DST: variants seen among roughly 807,000 people sequenced by gnomAD.
DST encodes the protein bullous pemphigoid antigen.
A neutral mutation model predicts 875.2 loss-of-function variants in DST; 253 were observed. That is an observed-to-expected ratio of 0.29 (90% CI 0.26 to 0.32). The LOEUF is 0.32. DST is among the 10% of genes least tolerant of loss of function. DST has a pLI of 1.00. For missense variants in DST, 8,287 were observed against 9,111.6 expected (o/e 0.91, Z 3.68); for synonymous variants, 3,124 against 3,197.1 (o/e 0.98, Z 0.77).
intron 58 of DST, 81 bp downstream of exon 58, chr6:56,560,213 G>A: frequency 7.6e-7 from 1 of 1,313,278 alleles, no homozygotes; most frequent in Non-Finnish European, 1.0e-6. Flanking sequence ...ACTGTTGAAT[G>A]TTTTCTGATA....
intron 4 of DST, among the ~76,000 whole-genome samples, chr6:56,846,178 T>G (rs2099806969): frequency 6.6e-6 from 1 of 152,234 alleles, no homozygotes; most frequent in Non-Finnish European, 1.5e-5. Context: ...TGGCCATGGG[T>G]AAGCTATCAT....
At chr6:56,662,965 GAACAAAACAAAACAAAGA>G (rs1277025224) in intron 10 of DST, among the ~76,000 whole-genome samples, 2 of 151,722 alleles carry the variant, frequency 1.3e-5, no homozygotes, top group African/African-American at 2.4e-5. Context: ...AAACAAAACA[GAACAAAACAAAACAAAGA>G]AACAAAACAA....
chr6:56,888,895 G>A (rs1362443806), intron 3 of DST, among the ~76,000 whole-genome samples: 4 of 152,178 alleles, frequency 2.6e-5, no homozygotes, highest in African/African-American at 9.7e-5. Flanking sequence ...GTTGGGGAGA[G>A]TTCAGGGAAG....
intron 95 of DST, 118 bp downstream of exon 95, chr6:56,470,988 T>C: frequency 8.8e-7 from 1 of 1,137,408 alleles, no homozygotes; most frequent in South Asian, 1.5e-5. Flanking sequence ...CGTGACTTCC[T>C]AGGCAACTTA....
intron 48 of DST, among the ~76,000 whole-genome samples, chr6:56,592,780 A>C (rs2098302288): frequency 6.6e-6 from 1 of 152,208 alleles, no homozygotes; most frequent in Non-Finnish European, 1.5e-5. Context: ...CTATATTAGA[A>C]TGGAGCAAAG....
At chr6:56,825,448 T>C (rs556615930) in intron 4 of DST, among the ~76,000 whole-genome samples, 1 of 142,532 alleles carries the variant, frequency 7.0e-6, no homozygotes, top group Non-Finnish European at 1.5e-5. Context: ...TATTGTCCTA[T>C]GACCCTGCCA....
rs571711042 is a variant in DST, at chr6:56,833,170, A to G, written c.625+18227T>C. On this transcript the variant is annotated intron_variant, in intron 4 of 103. Transcript: ENST00000680361. ...CAGTCAATAGTGTTCCAGAATTCTAAACATTTAGGAACTACGACTCTTCTA... is the reference window on the plus strand; with the variant it reads ...CAGTCAATAGTGTTCCAGAATTCTAGACATTTAGGAACTACGACTCTTCTA... 8.5e-5 allele frequency among the ~76,000 whole-genome samples: 13 copies of G among 152,374 alleles called. No individual in the cohort carries two copies. In the East Asian group the frequency reaches 2.5e-3, roughly 29 times the overall value.
intron 48 of DST, 141 bp downstream of exon 48, chr6:56,593,516 CAAAAAA>C: frequency 9.6e-6 from 3 of 313,142 alleles, no homozygotes; most frequent in Non-Finnish European, 1.5e-5. Context: ...GACTCCTTCT[CAAAAAA>C]AAAAAAAAAA....
At chr6:56,487,716 C>T (rs1024194207) in intron 86 of DST, among the ~76,000 whole-genome samples, 1 of 152,124 alleles carries the variant, frequency 6.6e-6, no homozygotes, top group Non-Finnish European at 1.5e-5. Context: ...TTGTAGGCCT[C>T]TCATTATCAT....
intron 3 of DST, among the ~76,000 whole-genome samples, chr6:56,878,290 G>A (rs1780427526): frequency 6.6e-6 from 1 of 152,174 alleles, no homozygotes; most frequent in South Asian, 2.1e-4. Flanking sequence ...GGGCTTCAAG[G>A]AGACACCTTG....
intron 102 of DST, 21 bp downstream of exon 102, chr6:56,463,025 G>C: frequency 7.1e-7 from 1 of 1,413,840 alleles, no homozygotes. Flanking sequence ...GTTAAGACTG[G>C]ACTCTGGGGC....
intron 9 of DST, among the ~76,000 whole-genome samples, chr6:56,671,621 C>T (rs947265654): frequency 6.6e-6 from 1 of 152,202 alleles, no homozygotes; most frequent in African/African-American, 2.4e-5. Flanking sequence ...AAGGGTCCTA[C>T]TTAATCTGCT....
At chr6:56,594,286 T>C in intron 47 of DST, 93 bp from the exon 48 acceptor site, 1 of 1,018,896 alleles carries the variant, frequency 9.8e-7, no homozygotes, top group Non-Finnish European at 1.4e-6. Flanking sequence ...CAGGTTTCAA[T>C]GATCTACAGG....
chr6:56,875,967 G>T (rs916276485), intron 3 of DST, among the ~76,000 whole-genome samples: 2 of 152,024 alleles, frequency 1.3e-5, no homozygotes, highest in Non-Finnish European at 2.9e-5. Context: ...AACTCCTCAC[G>T]AAAGTGCCAT....
chr6:56,734,275 G>A (rs2099515121), intron 5 of DST, among the ~76,000 whole-genome samples: 7 of 152,230 alleles, frequency 4.6e-5, no homozygotes. Context: ...CAAGTGGTGA[G>A]AGAGACAAGA....
Position 56,569,925 on chromosome 6 carries a change from T to C in DST, c.13809A>G (p.Thr4603=). Residue 4603 remains threonine, a synonymous_variant, in exon 54 of 104, where the codon ACA becomes ACG. Transcript: ENST00000680361. ...KSLKSWIKET[T]KKVPIVQPSF... Reference sequence around the variant, plus strand: ...AAGGCTGTACAATGGGAACTTTTTTTGTTGTTTCTTTTATCCATGACTTCA... The same window carrying C: ...AAGGCTGTACAATGGGAACTTTTTTCGTTGTTTCTTTTATCCATGACTTCA... 6.2e-7 allele frequency: 1 copy of C among 1,612,140 alleles called. No homozygotes were observed. Among genetic ancestry groups the C allele is most frequent in the Non-Finnish European group, 8.5e-7 (1 of 1,179,272 alleles).
intron 4 of DST, among the ~76,000 whole-genome samples, chr6:56,785,273 G>A (rs2099702825): frequency 6.6e-6 from 1 of 152,240 alleles, no homozygotes; most frequent in Admixed American, 6.5e-5. Context: ...TAAGTCTGCA[G>A]AGGTTACTGC....
chr6:56,601,681 TA>T lies in DST; in HGVS notation c.11308-6del. ...TCCAAGGTCTTTTAATACATTCTGT[TA>T]AAAAAGTAGTACAAGCTATCAGTAG... On this transcript the variant is annotated splice_polypyrimidine_tract_variant and splice_region_variant and intron_variant, in intron 43 of 103. Transcript: ENST00000680361. 3 of 1,526,516 alleles carry T rather than the reference TA, an allele frequency of 2.0e-6. No homozygotes were observed. The highest frequency in any genetic ancestry group is 2.7e-6 in the Non-Finnish European group (3 of 1,125,598). 94.6% of individuals were successfully genotyped at this position (1,526,516 alleles called of 1,614,324 possible).
intron 5 of DST, among the ~76,000 whole-genome samples, chr6:56,731,896 A>T (rs997582010): frequency 5.3e-5 from 8 of 152,222 alleles, no homozygotes; most frequent in Non-Finnish European, 8.8e-5. Context: ...GTTTTCTTAT[A>T]AAGTTGCTTT....
Sources: gnomAD v4.1 joint callset for allele counts (sites outside exome capture counted in the v4.1 genomes callset) on GRCh38, gnomAD v4.1.1 for gene constraint, MANE v1.5 for transcripts, NCBI Gene and HGNC (gene_info 2026-07-23, HGNC 2026-07-21) for gene names.